The following CTNNA3 variants were observed in gnomAD, a reference collection of about 807,000 sequenced individuals.
CTNNA3 encodes the protein catenin alpha-3.
CTNNA3 carries 76 observed loss-of-function variants against 95.7 expected under a neutral mutation model. The ratio of observed to expected loss-of-function variants is 0.79; its 90% CI spans 0.66 to 0.96. CTNNA3 has a LOEUF of 0.96. Ranked by LOEUF, CTNNA3 falls within the 40% of genes least tolerant of loss-of-function variation. The probability of loss-of-function intolerance (pLI) is 0.00; values close to 1 mark genes in which losing one functional copy is unlikely to be tolerated. For synonymous variants in CTNNA3, 431 were observed against 374.4 expected, an observed-to-expected ratio of 1.15 and a Z score of -1.74; for missense variants, 1,191 against 1,089.8, an observed-to-expected ratio of 1.09 and a Z score of -1.31.
intron 10 of CTNNA3, among the ~76,000 whole-genome samples, chr10:66,559,176 G>A (rs1406946648): frequency 6.6e-6 from 1 of 151,936 alleles, no homozygotes; most frequent in East Asian, 1.9e-4. Context: ...TCTCCTTCTA[G>A]CTATTCTTCT....
chr10:66,025,571 C>T (rs1264976457), intron 15 of CTNNA3, among the ~76,000 whole-genome samples: 1 of 152,166 alleles, frequency 6.6e-6, no homozygotes, highest in Non-Finnish European at 1.5e-5. Context: ...TCATCATCTA[C>T]TATCTTCCTC....
intron 5 of CTNNA3, among the ~76,000 whole-genome samples, chr10:67,411,395 G>GT (rs1277371623): frequency 6.6e-6 from 1 of 152,062 alleles, no homozygotes; most frequent in African/African-American, 2.4e-5. Flanking sequence ...AAACTGAGTG[G>GT]TTCAAGGGAT....
chr10:67,581,573 T>A (rs538378374), intron 3 of CTNNA3, among the ~76,000 whole-genome samples: 6 of 152,204 alleles, frequency 3.9e-5, no homozygotes, highest in African/African-American at 1.4e-4. Flanking sequence ...GCTGGCCTCA[T>A]AAAATGAGTT....
chr10:67,129,140 C>T (rs1589771071), intron 7 of CTNNA3, among the ~76,000 whole-genome samples: 1 of 152,132 alleles, frequency 6.6e-6, no homozygotes, highest in East Asian at 1.9e-4. Flanking sequence ...GGGACTGTGA[C>T]ATTTTGTATT....
Position 66,927,929 on chromosome 10 carries a change from T to C in CTNNA3, c.1048-152405A>G, listed in dbSNP as rs1385597918. 6.2e-7 allele frequency: 1 copy of C among 1,614,204 alleles called. No homozygotes were observed. The highest frequency in any genetic ancestry group is 1.1e-5 in the South Asian group (1 of 91,084). ...TTTAAAGGTCTAAGGGAGAATACAA[T>C]TATCTGTGCCAGTCCCAAAGAGCTG... On this transcript the variant is annotated intron_variant, in intron 7 of 17. Coordinates refer to ENST00000433211, the MANE Select transcript of CTNNA3 (RefSeq NM_013266.4). This position sits in a 1 kb window ranked among gnomAD's most constrained non-coding sequence, Gnocchi z 4.7.
chr10:66,109,737 C>A (rs1289159535), intron 13 of CTNNA3, among the ~76,000 whole-genome samples: 2 of 151,746 alleles, frequency 1.3e-5, no homozygotes, highest in South Asian at 2.1e-4. Context: ...TAGTCTTAAC[C>A]AGACTACTGG....
At chr10:67,296,131 A>G (rs1840019554) in intron 5 of CTNNA3, among the ~76,000 whole-genome samples, 1 of 152,238 alleles carries the variant, frequency 6.6e-6, no homozygotes, top group Admixed American at 6.5e-5. Context: ...CCCAAAATTT[A>G]TATTATCTCA....
intron 11 of CTNNA3, among the ~76,000 whole-genome samples, chr10:66,444,492 A>ATG (rs2093402430): frequency 6.6e-6 from 1 of 152,228 alleles, no homozygotes; most frequent in African/African-American, 2.4e-5. Context: ...AAAACTCTAC[A>ATG]AGCCAGAAGA....
chr10:67,038,692 G>A (rs1013788469), intron 7 of CTNNA3, among the ~76,000 whole-genome samples: 1 of 152,002 alleles, frequency 6.6e-6, no homozygotes, highest in Non-Finnish European at 1.5e-5. Context: ...CAATTCCTAA[G>A]GTGAAACAAT....
At chr10:66,228,919 T>C (rs984410236) in intron 13 of CTNNA3, among the ~76,000 whole-genome samples, 11 of 152,200 alleles carry the variant, frequency 7.2e-5, no homozygotes, top group Admixed American at 2.0e-4. Flanking sequence ...GTTTTTTGAC[T>C]TAAAGTATTT....
At chr10:67,612,479 G>T (rs1026486433) in intron 2 of CTNNA3, among the ~76,000 whole-genome samples, 1 of 152,264 alleles carries the variant, frequency 6.6e-6, no homozygotes, top group African/African-American at 2.4e-5. Context: ...TGTGTGCAAA[G>T]GGGCAGAGAA....
At chr10:67,078,739 A>G (rs767257304) in intron 7 of CTNNA3, among the ~76,000 whole-genome samples, 38 of 151,924 alleles carry the variant, frequency 2.5e-4, no homozygotes, top group Non-Finnish European at 5.0e-4. Flanking sequence ...GATGGTCTCA[A>G]TCTCCTGACC....
At chr10:67,031,118 C>G (rs558088983) in intron 7 of CTNNA3, among the ~76,000 whole-genome samples, 1 of 152,288 alleles carries the variant, frequency 6.6e-6, no homozygotes, top group Admixed American at 6.5e-5. Context: ...AGAGTTTAAA[C>G]TAGATGACTT....
intron 11 of CTNNA3, among the ~76,000 whole-genome samples, chr10:66,449,734 T>A (rs931660772): frequency 1.3e-5 from 2 of 152,016 alleles, no homozygotes; most frequent in African/African-American, 2.4e-5. Flanking sequence ...ATTTAATGAC[T>A]CAAAGTCCGG....
intron 9 of CTNNA3, among the ~76,000 whole-genome samples, chr10:66,690,730 C>A (rs1847494320): frequency 6.6e-6 from 1 of 151,770 alleles, no homozygotes; most frequent in African/African-American, 2.4e-5. Context: ...CGTTGTTGGA[C>A]ATTTGGGTTG....
intron 17 of CTNNA3, among the ~76,000 whole-genome samples, chr10:65,926,966 AT>A (rs1200542760): frequency 6.6e-6 from 1 of 151,958 alleles, no homozygotes; most frequent in African/African-American, 2.4e-5. Context: ...ATCCTTATAT[AT>A]TTTTCTATAG....
At chr10:66,428,974 T>C (rs1397284344) in intron 11 of CTNNA3, among the ~76,000 whole-genome samples, 3 of 151,884 alleles carry the variant, frequency 2.0e-5, no homozygotes, top group African/African-American at 7.3e-5. Flanking sequence ...AGCTGGTTTT[T>C]TGAAAAGATC....
At chr10:67,024,848 G>A (rs536847574) in intron 7 of CTNNA3, among the ~76,000 whole-genome samples, 9 of 152,078 alleles carry the variant, frequency 5.9e-5, no homozygotes, top group African/African-American at 1.4e-4. Flanking sequence ...AACCACAAGA[G>A]GCCGGGTGGG....
chr10:67,204,037 A>G (rs1863770352), intron 6 of CTNNA3, among the ~76,000 whole-genome samples: 1 of 152,204 alleles, frequency 6.6e-6, no homozygotes, highest in African/African-American at 2.4e-5. Context: ...TCTTTAAAAG[A>G]AGAAAATATG....
Sources: gnomAD v4.1 joint callset for allele counts (sites outside exome capture counted in the v4.1 genomes callset) on GRCh38, gnomAD v4.1.1 for gene constraint, Gnocchi (gnomAD v3.1) non-coding constraint, MANE v1.5 for transcripts, NCBI Gene and HGNC (gene_info 2026-07-23, HGNC 2026-07-21) for gene names.